TMEM151A: variants seen among roughly 807,000 people sequenced by gnomAD.
The protein encoded by TMEM151A is transmembrane protein 151A.
A neutral mutation model predicts 33.7 loss-of-function variants in TMEM151A; 21 were observed. The ratio of observed to expected loss-of-function variants is 0.62; its 90% CI spans 0.44 to 0.90. TMEM151A has a LOEUF of 0.90. Ranked by LOEUF, TMEM151A falls within the 40% of genes least tolerant of loss-of-function variation. The pLI is 0.00. For missense variants in TMEM151A, 704 were observed against 697.7 expected (o/e 1.01, Z -0.10); for synonymous variants, 374 against 330.3 (o/e 1.13, Z -1.43).
chr11:66,295,130 C>T lies in TMEM151A; in HGVS notation c.884C>T (p.Thr295Met), dbSNP rs1350723947. 1 of 1,583,612 alleles carries T rather than the reference C, an allele frequency of 6.3e-7. No homozygotes were observed. The change falls in exon 2 of 2, where the codon ACG (threonine) becomes ATG (methionine). Residue 295 changes from threonine (T) to methionine (M), a missense_variant. Thr to Met is a moderately conservative substitution (Grantham distance 81). Around this residue, in one of 3 missense-constraint regions of TMEM151A, gnomAD observed 398 missense variants for 356.0 expected, o/e 1.12. Transcript: ENST00000327259. ...GTCTTCTGGCTCGTGTCGGCGGCCA[C>T]GCTGTCGTGGCCCCTGCGCGTCGTG... The part of the protein sequence containing the change: ...AWVFWLVSAA[T>M]LSWPLRVVAA...
In TMEM151A at chr11:66,295,683, TC is replaced by T; in HGVS notation, c.*34del. ...CCCCACGGCCCCCAGAGTGGCCCCCTCCCCACCATTCCACCATGGGCTTAGA... is the reference window on the plus strand; with the variant it reads ...CCCCACGGCCCCCAGAGTGGCCCCCTCCCACCATTCCACCATGGGCTTAGA... On this transcript the variant is annotated 3_prime_UTR_variant, in exon 2 of 2. Transcript: ENST00000327259. 1.4e-6 allele frequency: 2 copies of T among 1,432,130 alleles called. No homozygotes were observed. Among genetic ancestry groups the T allele is most frequent in the African/African-American group, 1.5e-5 (1 of 66,644 alleles). The allele number at this position is 1,432,130 out of a possible 1,614,324, so 88.7% of individuals were successfully genotyped here. A position where few individuals can be genotyped will look rare whatever the true frequency, so the allele number is the denominator to read the frequency against.
Position 66,294,501 on chromosome 11 carries a change from G to A in TMEM151A, c.255G>A (p.Pro85=), listed in dbSNP as rs747011944. Reference sequence around the variant, plus strand: ...CCTTGGCCCGGGGAGCCGGGGGCCCGCCACCGACCTACCCGGCCAGCCCCT... The same window carrying A: ...CCTTGGCCCGGGGAGCCGGGGGCCCACCACCGACCTACCCGGCCAGCCCCT... The part of the protein sequence containing the change: ...EAALARGAGG[P]PPTYPASPCS... Residue 85 remains proline, a synonymous_variant, in exon 2 of 2, where the codon CCG becomes CCA. Transcript: ENST00000327259. The A allele has an allele frequency of 3.1e-6, 5 of 1,604,500 alleles. No homozygotes were observed. The highest frequency in any genetic ancestry group is 3.4e-5 in the Admixed American group (2 of 58,862).
At position 66,294,792 on chromosome 11, in the gene TMEM151A, G is replaced by GCGCGCTGACAGC; in HGVS notation, c.550_561dup (p.Ala184_Arg187dup). On this transcript the variant is annotated inframe_insertion, in exon 2 of 2. Transcript: ENST00000327259. ...ACACCACCACGCAGGTGTACCATGA[G>GCGCGCTGACAGC]CGCGCTGACAGCCGCACGGCCCGCG... 6.5e-7 allele frequency: 1 copy of GCGCGCTGACAGC among 1,544,510 alleles called. No homozygotes were observed. Among genetic ancestry groups the GCGCGCTGACAGC allele is most frequent in the African/African-American group, 1.4e-5 (1 of 73,190 alleles).
chr11:66,295,284 C>A lies in TMEM151A; in HGVS notation c.1038C>A (p.Leu346=). ...SRVATVDFTE[L]EWHICSNRQL... is the part of the protein sequence containing the mutation. Reference sequence around the variant, plus strand: ...TGGCCACAGTGGACTTCACTGAGCTCGAGTGGCACATCTGCTCCAACCGGC... The same window carrying A: ...TGGCCACAGTGGACTTCACTGAGCTAGAGTGGCACATCTGCTCCAACCGGC... The change falls in exon 2 of 2, where the codon CTC becomes CTA. Residue 346 remains leucine (L), a synonymous_variant. Coordinates refer to ENST00000327259, the MANE Select transcript of TMEM151A (RefSeq NM_153266.4). The A allele has an allele frequency of 6.3e-7, 1 of 1,577,266 alleles. No individual in the cohort carries two copies.
At position 66,294,473 on chromosome 11, in the gene TMEM151A, C is replaced by A. The variant is rs2134898439; in HGVS notation, c.227C>A (p.Ala76Asp). ...CCGCGGCTGGTCCTGGGGCCCGAGG[C>A]CGCCTTGGCCCGGGGAGCCGGGGGC... ...TVPRLVLGPE[A>D]ALARGAGGPP... The change falls in exon 2 of 2, where the codon GCC becomes GAC. Residue 76 changes from alanine to aspartate, a missense_variant. Transcript: ENST00000327259. The A allele has an allele frequency of 6.2e-7, 1 of 1,605,130 alleles. No homozygotes were observed. Among genetic ancestry groups the A allele is most frequent in the East Asian group, 2.2e-5 (1 of 44,608 alleles).
At chr11:66,293,721 ACTT>A (rs1263927707) in intron 1 of TMEM151A, among the ~76,000 whole-genome samples, 1 of 152,186 alleles carries the variant, frequency 6.6e-6, no homozygotes, top group Non-Finnish European at 1.5e-5. Context: ...CCCTGTGCTC[ACTT>A]CTTCACACAT....
Position 66,295,533 on chromosome 11 carries a change from C to A in TMEM151A, c.1287C>A (p.Arg429=). Residue 429 remains arginine, a synonymous_variant, in exon 2 of 2, where the codon CGC becomes CGA. Coordinates refer to ENST00000327259, the MANE Select transcript of TMEM151A (RefSeq NM_153266.4). The stretch of plus-strand genomic sequence containing the variant: ...GCCTGAGCGGGGGGCCGCTGGGGCG[C>A]CGTGGAGAGGACACGGAACCCCTGG... The part of the protein sequence containing the change: ...FRSLSGGPLG[R]RGEDTEPLES... 1 of 1,418,840 alleles carries A rather than the reference C, an allele frequency of 7.0e-7. No homozygotes were observed. Among genetic ancestry groups the A allele is most frequent in the Non-Finnish European group, 9.2e-7 (1 of 1,085,562 alleles). 87.9% of individuals were successfully genotyped at this position (1,418,840 alleles called of 1,614,324 possible).
chr11:66,294,161 A>T (rs1482963238), intron 1 of TMEM151A, among the ~76,000 whole-genome samples, 161 bp from the exon 2 acceptor site: 1 of 152,224 alleles, frequency 6.6e-6, no homozygotes, highest in Non-Finnish European at 1.5e-5. Flanking sequence ...TGAGCTGGAA[A>T]TGTGAAGCCT....
In TMEM151A at chr11:66,292,055, G is replaced by A; in HGVS notation, c.42G>A (p.Ala14=). 6.7e-7 allele frequency: 1 copy of A among 1,492,772 alleles called. No individual in the cohort carries two copies. The highest frequency in any genetic ancestry group is 8.9e-7 in the Non-Finnish European group (1 of 1,128,778). The allele number at this position is 1,492,772 out of a possible 1,614,324, so 92.5% of individuals were successfully genotyped here. ...DGAGDGGEVP[A]LIPDGEPLRE... Reference sequence around the variant, plus strand: ...CTGGCGACGGCGGGGAGGTGCCCGCGCTCATCCCGGACGGCGAGCCGCTGC... The same window carrying A: ...CTGGCGACGGCGGGGAGGTGCCCGCACTCATCCCGGACGGCGAGCCGCTGC... Residue 14 remains alanine (A), a synonymous_variant, in exon 1 of 2, where the codon GCG becomes GCA. Transcript: ENST00000327259. This position sits in a 1 kb window ranked among gnomAD's most constrained non-coding sequence, Gnocchi z 4.7.
intron 1 of TMEM151A, among the ~76,000 whole-genome samples, chr11:66,293,307 A>C (rs949559413): frequency 2.6e-5 from 4 of 152,000 alleles, no homozygotes; most frequent in Admixed American, 2.0e-4. Context: ...CTGGGGTAGG[A>C]GAGGTGGCCC....
chr11:66,292,104 GGGCCGGAGCCGGGCCTGGGGC>G lies in TMEM151A; in HGVS notation c.75+20_75+40del. On this transcript the variant is annotated intron_variant, in intron 1 of 1. Coordinates refer to ENST00000327259, the MANE Select transcript of TMEM151A (RefSeq NM_153266.4). The surrounding 1 kb of genome is among the most constrained non-coding windows in gnomAD (Gnocchi z 4.7). ...GCGGGAAGAGGTACCGGCGCTGGGG[GGGCCGGAGCCGGGCCTGGGGC>G]GGCGTGAGAGGGACCAGTGCAAAAG... The G allele has an allele frequency of 7.0e-7, 1 of 1,435,290 alleles. No homozygotes were observed. The highest frequency in any genetic ancestry group is 2.7e-5 in the Admixed American group (1 of 36,380). The allele number at this position is 1,435,290 out of a possible 1,614,324, so 88.9% of individuals were successfully genotyped here. A position where few individuals can be genotyped will look rare whatever the true frequency, so the allele number is the denominator to read the frequency against.
In TMEM151A at chr11:66,296,365, C is replaced by G. The variant is rs545215276; in HGVS notation, c.*712C>G. On this transcript the variant is annotated 3_prime_UTR_variant, in exon 2 of 2. Coordinates refer to ENST00000327259, the MANE Select transcript of TMEM151A (RefSeq NM_153266.4). Reference sequence around the variant, plus strand: ...ATCAGCCACACACACGCAGGGACGCCCGTTCCTTGCCCTCCCGGACTTATC... The same window carrying G: ...ATCAGCCACACACACGCAGGGACGCGCGTTCCTTGCCCTCCCGGACTTATC... The G allele has an allele frequency of 1.2e-4, 19 of 153,322 alleles. No individual in the cohort carries two copies. The highest frequency in any genetic ancestry group is 4.6e-4 in the African/African-American group (19 of 41,574). The allele number at this position is 153,322 out of a possible 1,614,324, so 9.5% of individuals were successfully genotyped here. A position where few individuals can be genotyped will look rare whatever the true frequency, so the allele number is the denominator to read the frequency against.
In TMEM151A at chr11:66,294,948, G is replaced by T; in HGVS notation, c.702G>T (p.Ser234=). 1 of 1,558,288 alleles carries T rather than the reference G, an allele frequency of 6.4e-7. No homozygotes were observed. Among genetic ancestry groups the T allele is most frequent in the Admixed American group, 1.9e-5 (1 of 53,292 alleles). Residue 234 remains serine (S), a synonymous_variant, in exon 2 of 2, where the codon TCG becomes TCT. Coordinates refer to ENST00000327259, the MANE Select transcript of TMEM151A (RefSeq NM_153266.4). Reference sequence around the variant, plus strand: ...TCGGCAGCGCGGAGGCCGAGGCCTCGTACCTCACGCAGCGGGCGCGCTTCT... The same window carrying T: ...TCGGCAGCGCGGAGGCCGAGGCCTCTTACCTCACGCAGCGGGCGCGCTTCT... ...FSFGSAEAEA[S]YLTQRARFFS...
Position 66,295,770 on chromosome 11 carries a change from G to A in TMEM151A, c.*117G>A. ...ACAGACCAGCCACACACAAGGGGCA[G>A]GGGTGAGGGTGGGGGTGGGGGTCCT... On this transcript the variant is annotated 3_prime_UTR_variant, in exon 2 of 2. Coordinates refer to ENST00000327259, the MANE Select transcript of TMEM151A (RefSeq NM_153266.4). 1.9e-6 allele frequency: 2 copies of A among 1,033,810 alleles called. No homozygotes were observed. The highest frequency in any genetic ancestry group is 2.6e-6 in the Non-Finnish European group (2 of 775,560). 64.0% of individuals were successfully genotyped at this position (1,033,810 alleles called of 1,614,324 possible).
At chr11:66,293,682 T>C (rs1857479067) in intron 1 of TMEM151A, among the ~76,000 whole-genome samples, 2 of 152,176 alleles carry the variant, frequency 1.3e-5, no homozygotes, top group Non-Finnish European at 2.9e-5. Context: ...CTCAGGGTAA[T>C]GGTGATCATA....
Position 66,292,093 on chromosome 11 carries a change from C to T in TMEM151A, c.75+5C>T. 6.8e-7 allele frequency: 1 copy of T among 1,467,286 alleles called. No homozygotes were observed. Among genetic ancestry groups the T allele is most frequent in the Non-Finnish European group, 8.9e-7 (1 of 1,117,988 alleles). 90.9% of individuals were successfully genotyped at this position (1,467,286 alleles called of 1,614,324 possible). On this transcript the variant is annotated splice_donor_5th_base_variant and intron_variant, in intron 1 of 1. Coordinates refer to ENST00000327259, the MANE Select transcript of TMEM151A (RefSeq NM_153266.4). This position sits in a 1 kb window ranked among gnomAD's most constrained non-coding sequence, Gnocchi z 4.7. ...GGCGAGCCGCTGCGGGAAGAGGTAC[C>T]GGCGCTGGGGGGGCCGGAGCCGGGC...
rs1433292788 is a variant in TMEM151A at position 66,291,939 on chromosome 11, C to T, written c.-75C>T. On this transcript the variant is annotated 5_prime_UTR_variant, in exon 1 of 2. Coordinates refer to ENST00000327259, the MANE Select transcript of TMEM151A (RefSeq NM_153266.4). ...GAGCCGAGCGGACGCCCCCGGGGGC[C>T]GCGTCGCAGCCCTCCGTGCTCCCCC... 5.8e-6 allele frequency: 7 copies of T among 1,214,386 alleles called. No homozygotes were observed. Among genetic ancestry groups the T allele is most frequent in the East Asian group, 3.2e-5 (1 of 30,936 alleles). The allele number at this position is 1,214,386 out of a possible 1,614,324, so 75.2% of individuals were successfully genotyped here.
rs781737186 is a variant in TMEM151A, at chr11:66,295,530, G to A, written c.1284G>A (p.Gly428=). 1.4e-5 allele frequency: 20 copies of A among 1,408,968 alleles called. No homozygotes were observed. The East Asian group carries it at 5.6e-4, about 39-fold the overall frequency. 87.3% of individuals were successfully genotyped at this position (1,408,968 alleles called of 1,614,324 possible). ...GCAGCCTGAGCGGGGGGCCGCTGGG[G>A]CGCCGTGGAGAGGACACGGAACCCC... ...VFRSLSGGPL[G]RRGEDTEPLE... Residue 428 remains glycine (G), a synonymous_variant, in exon 2 of 2, where the codon GGG becomes GGA. Transcript: ENST00000327259.
At position 66,295,336 on chromosome 11, in the gene TMEM151A, G is replaced by GGCCCAGC; in HGVS notation, c.1090_1091insGCCCAGC (p.Val364GlyfsTer83). 1 of 1,587,500 alleles carries GGCCCAGC rather than the reference G, an allele frequency of 6.3e-7. No homozygotes were observed. Among genetic ancestry groups the GGCCCAGC allele is most frequent in the Middle Eastern group, 1.8e-4 (1 of 5,432 alleles). The stretch of plus-strand genomic sequence containing the variant: ...GCTGGTGCCCAGCTACTCGGAGGCC[G>GGCCCAGC]TGGTCATGGGCGCGGGCTCGGGCGC... On this transcript the variant is annotated frameshift_variant, in exon 2 of 2. Transcript: ENST00000327259. LOFTEE classifies it high-confidence loss of function.
Sources: gnomAD v4.1 joint callset for allele counts (sites outside exome capture counted in the v4.1 genomes callset) on GRCh38, gnomAD v4.1.1 for gene constraint, gnomAD v4.1.1 regional missense constraint, Gnocchi (gnomAD v3.1) non-coding constraint, MANE v1.5 for transcripts, NCBI Gene and HGNC (gene_info 2026-07-23, HGNC 2026-07-21) for gene names.